SHISA9: variants seen among roughly 807,000 people sequenced by gnomAD.
The protein encoded by SHISA9 is protein shisa-9.
In SHISA9, 13 loss-of-function variants were observed where a neutral mutation model predicts 38.0. That is an observed-to-expected ratio of 0.34 (90% confidence interval 0.22 to 0.54). The LOEUF (loss-of-function observed/expected upper bound fraction) is 0.54, where lower values mean the gene tolerates loss of function less well. Ranked by LOEUF, SHISA9 falls within the 20% of genes least tolerant of loss-of-function variation. The probability of loss-of-function intolerance (pLI) is 0.91; values close to 1 mark genes in which losing one functional copy is unlikely to be tolerated. For synonymous variants in SHISA9, 275 were observed against 242.0 expected, an observed-to-expected ratio of 1.14 and a Z score of -1.27; for missense variants, 538 against 575.8, an observed-to-expected ratio of 0.93 and a Z score of 0.67.
At chr16:13,042,045 G>T (rs2073137903) in intron 2 of SHISA9, among the ~76,000 whole-genome samples, 1 of 152,196 alleles carries the variant, frequency 6.6e-6, no homozygotes, top group Non-Finnish European at 1.5e-5. Flanking sequence ...TGGCTAATCA[G>T]GGGGATATTT....
chr16:13,258,922 C>G, the SHISA9 span, among the ~76,000 whole-genome samples: 1 of 152,158 alleles, frequency 6.6e-6, no homozygotes, highest in Non-Finnish European at 1.5e-5. Flanking sequence ...CCCCTGGCCC[C>G]TCCCAATCTC....
In SHISA9 at chr16:13,141,674, T is replaced by G. The variant is rs1045336140; in HGVS notation, c.692-61720T>G. On this transcript the variant is annotated intron_variant, in intron 2 of 4. Transcript: ENST00000558583. ...CTCCAGCCAGGTGACAGAGCAAGACTCCATCTCAAATATATATATATAATA... is the reference window on the plus strand; with the variant it reads ...CTCCAGCCAGGTGACAGAGCAAGACGCCATCTCAAATATATATATATAATA... 2.6e-5 allele frequency among the ~76,000 whole-genome samples: 4 copies of G among 152,074 alleles called. 1 individual carries two copies. Among genetic ancestry groups the G allele is most frequent in the African/African-American group, 9.7e-5 (4 of 41,384 alleles).
At chr16:13,066,491 G>A (rs1001867089) in intron 2 of SHISA9, among the ~76,000 whole-genome samples, 2 of 152,116 alleles carry the variant, frequency 1.3e-5, no homozygotes, top group Non-Finnish European at 2.9e-5. Flanking sequence ...GTTCAAATGA[G>A]TAATTCCAGT....
chr16:13,528,131 C>G, the SHISA9 span, among the ~76,000 whole-genome samples: 1 of 152,268 alleles, frequency 6.6e-6, no homozygotes, highest in African/African-American at 2.4e-5. Context: ...CTTTCCCTGT[C>G]TTAAAACTAG....
the SHISA9 span, among the ~76,000 whole-genome samples, chr16:13,507,257 G>C: frequency 6.6e-6 from 1 of 152,018 alleles, no homozygotes. Context: ...GAGAGTGCAA[G>C]TAATTTCCCA....
intron 2 of SHISA9, among the ~76,000 whole-genome samples, chr16:13,188,401 T>C (rs989784944): frequency 2.0e-5 from 3 of 152,168 alleles, no homozygotes; most frequent in Non-Finnish European, 4.4e-5. Context: ...ATGAAGGAGA[T>C]GGACATCCGT....
At chr16:13,099,227 G>A (rs752864604) in intron 2 of SHISA9, among the ~76,000 whole-genome samples, 2 of 152,210 alleles carry the variant, frequency 1.3e-5, no homozygotes, top group Non-Finnish European at 2.9e-5. Context: ...ACAATATGTA[G>A]TCTCTGGCAC....
the SHISA9 span, among the ~76,000 whole-genome samples, chr16:13,376,198 T>C: frequency 6.6e-6 from 1 of 152,232 alleles, no homozygotes; most frequent in Non-Finnish European, 1.5e-5. Flanking sequence ...AAGCACGTCA[T>C]ATGGCTAAAA....
chr16:13,114,262 C>T (rs928199637), intron 2 of SHISA9, among the ~76,000 whole-genome samples: 4 of 151,836 alleles, frequency 2.6e-5, no homozygotes, highest in East Asian at 3.9e-4. Context: ...GTCAGGAGAT[C>T]GAGACCATCC....
chr16:13,458,199 T>G, the SHISA9 span: 32 of 198,360 alleles, frequency 1.6e-4, no homozygotes, highest in Admixed American at 5.0e-4. Flanking sequence ...AAGCAGTATC[T>G]GGAGGAAACA....
chr16:13,416,245 G>A, the SHISA9 span, among the ~76,000 whole-genome samples: 2 of 152,146 alleles, frequency 1.3e-5, no homozygotes, highest in East Asian at 3.9e-4. Flanking sequence ...TTTACCATTG[G>A]CTTACTTAGA....
At chr16:12,976,491 T>G (rs2072163540) in intron 2 of SHISA9, among the ~76,000 whole-genome samples, 1 of 152,186 alleles carries the variant, frequency 6.6e-6, no homozygotes, top group South Asian at 2.1e-4. Flanking sequence ...GGTTTGAGAC[T>G]GAGCATTGCT....
At chr16:12,962,428 A>G (rs1007921508) in intron 2 of SHISA9, among the ~76,000 whole-genome samples, 4 of 152,186 alleles carry the variant, frequency 2.6e-5, no homozygotes, top group South Asian at 2.1e-4. Flanking sequence ...TCTTCCTGCA[A>G]ATTCATATGT....
chr16:13,425,395 G>A, the SHISA9 span, among the ~76,000 whole-genome samples: 1 of 152,374 alleles, frequency 6.6e-6, no homozygotes, highest in African/African-American at 2.4e-5. Flanking sequence ...GCTGAGGCAA[G>A]AGAATTGCTT....
At chr16:13,502,287 G>A in the SHISA9 span, among the ~76,000 whole-genome samples, 5 of 152,122 alleles carry the variant, frequency 3.3e-5, no homozygotes, top group African/African-American at 1.2e-4. Flanking sequence ...TACAAGTTCT[G>A]GCTGAGTACA....
intron 3 of SHISA9, among the ~76,000 whole-genome samples, chr16:13,209,643 T>A (rs577474774): frequency 6.6e-6 from 1 of 152,136 alleles, no homozygotes; most frequent in Non-Finnish European, 1.5e-5. Flanking sequence ...CCCACCAATG[T>A]TGAGGTTGAG....
the SHISA9 span, among the ~76,000 whole-genome samples, chr16:13,340,978 A>T: frequency 1.3e-5 from 2 of 152,076 alleles, no homozygotes; most frequent in African/African-American, 2.4e-5. Flanking sequence ...GTGGGTTTTC[A>T]TTGCACTGTG....
At chr16:13,548,324 A>G in the SHISA9 span, among the ~76,000 whole-genome samples, 3 of 152,206 alleles carry the variant, frequency 2.0e-5, no homozygotes, top group African/African-American at 4.8e-5. Context: ...GATAAGACCT[A>G]AAAAGCATAG....
chr16:12,910,830 G>A (rs1360611759), intron 1 of SHISA9: 2 of 688,524 alleles, frequency 2.9e-6, no homozygotes, highest in African/African-American at 1.9e-5. Flanking sequence ...ACTTGTACAA[G>A]TCTGAAGGCC....
Sources: allele counts gnomAD v4.1 joint callset (sites outside exome capture counted in the v4.1 genomes callset), GRCh38; gene constraint gnomAD v4.1.1; transcripts MANE v1.5; gene names NCBI Gene and HGNC (gene_info 2026-07-23, HGNC 2026-07-21).